Variants in COL6A2 observed in about 807,000 individuals in gnomAD.
COL6A2 encodes collagen alpha-2(VI) chain.
COL6A2 carries 90 observed loss-of-function variants against 124.9 expected under a neutral mutation model. The ratio of observed to expected loss-of-function variants is 0.72; its 90% CI spans 0.61 to 0.86. The LOEUF (loss-of-function observed/expected upper bound fraction) is 0.86. Ranked by LOEUF, COL6A2 falls within the 40% of genes least tolerant of loss-of-function variation. The pLI, the probability that COL6A2 is intolerant of heterozygous loss-of-function variation, is 0.00. For missense variants in COL6A2, 1,607 were observed against 1,502.5 expected (o/e 1.07, Z -1.15); for synonymous variants, 793 against 618.2 (o/e 1.28, Z -4.19).
intron 21 of COL6A2, among the ~76,000 whole-genome samples, chr21:46,124,078 G>A (rs1258337303): frequency 6.6e-6 from 1 of 151,314 alleles, no homozygotes; most frequent in Non-Finnish European, 1.5e-5. Flanking sequence ...ACCGATGGAT[G>A]AATGGGTGGG....
intron 27 of COL6A2, among the ~76,000 whole-genome samples, chr21:46,131,679 G>T (rs2078761502): frequency 6.6e-6 from 1 of 152,210 alleles, no homozygotes; most frequent in African/African-American, 2.4e-5. Context: ...GTGCAGGGAT[G>T]GTGCTCAGCA....
rs960040351 is a variant in COL6A2 at position 46,120,446 on chromosome 21, G to A, written c.1333-69G>A. 1.5e-4 allele frequency: 194 copies of A among 1,298,496 alleles called. No individual in the cohort carries two copies. The African/African-American group carries it at 2.3e-3, about 15-fold the overall frequency. 80.4% of individuals were successfully genotyped at this position (1,298,496 alleles called of 1,614,324 possible). A position where few individuals can be genotyped will look rare whatever the true frequency, so the allele number is the denominator to read the frequency against. On this transcript the variant is annotated intron_variant, in intron 15 of 27. Transcript: ENST00000300527. The stretch of plus-strand genomic sequence containing the variant: ...CCTTCCCCAACCCCCGGCCACACCC[G>A]CCTCTCACATGGGACCCAGGCCGGA...
At position 46,116,926 on chromosome 21, in the gene COL6A2, T is replaced by TACATAC; in HGVS notation, c.999+115_999+116insTACACA. The TACATAC allele has an allele frequency of 1.6e-6, 1 of 638,194 alleles. No homozygotes were observed. 39.5% of individuals were successfully genotyped at this position (638,194 alleles called of 1,614,324 possible). ...CAGCTTACACATGTGTACACACGCATACACACACACACACACACACACACA... is the reference window on the plus strand; with the variant it reads ...CAGCTTACACATGTGTACACACGCATACATACACACACACACACACACACACACACA... On this transcript the variant is annotated intron_variant, in intron 10 of 27. Coordinates refer to ENST00000300527, the MANE Select transcript of COL6A2 (RefSeq NM_001849.4). This position sits in a 1 kb window ranked among gnomAD's most constrained non-coding sequence, Gnocchi z 4.6.
At chr21:46,113,545 G>A (rs531151292) in intron 4 of COL6A2, 34 of 196,434 alleles carry the variant, frequency 1.7e-4, no homozygotes, top group South Asian at 6.8e-4. Flanking sequence ...CCTGGTGTGC[G>A]CATGTAGTTC....
Position 46,115,896 on chromosome 21 carries a change from C to G in COL6A2, c.826C>G (p.Pro276Ala), listed in dbSNP as rs751337200. Reference sequence around the variant, plus strand: ...GGGTGCCAAGGGCAACATGGGTGAGCCGGGAGAGCCTGGCCAGAAGGGAAG... The same window carrying G: ...GGGTGCCAAGGGCAACATGGGTGAGGCGGGAGAGCCTGGCCAGAAGGGAAG... The part of the protein sequence containing the change: ...QKGAKGNMGE[P>A]GEPGQKGRQG... The change falls in exon 6 of 28, where the codon CCG becomes GCG. Residue 276 changes from proline (P) to alanine (A), a missense_variant. Physicochemically the swap from Pro to Ala is conservative, Grantham distance 27 (BLOSUM62 -1). Around this residue, in one of 3 missense-constraint regions of COL6A2, gnomAD observed 42 missense variants for 68.7 expected, o/e 0.61. Coordinates refer to ENST00000300527, the MANE Select transcript of COL6A2 (RefSeq NM_001849.4). The G allele has an allele frequency of 6.2e-7, 1 of 1,612,892 alleles. No homozygotes were observed. The highest frequency in any genetic ancestry group is 1.1e-5 in the South Asian group (1 of 91,086).
At chr21:46,129,821 C>G in intron 27 of COL6A2, 1 of 1,127,882 alleles carries the variant, frequency 8.9e-7, no homozygotes, top group Non-Finnish European at 1.1e-6. Context: ...CAGAGTCCTT[C>G]TTTGCTGCAT....
chr21:46,121,049 C>T lies in COL6A2; in HGVS notation c.1396-12C>T. 1.2e-6 allele frequency: 2 copies of T among 1,612,646 alleles called. No individual in the cohort carries two copies. The highest frequency in any genetic ancestry group is 1.7e-6 in the Non-Finnish European group (2 of 1,179,830). On this transcript the variant is annotated splice_polypyrimidine_tract_variant and intron_variant, in intron 16 of 27. Coordinates refer to ENST00000300527, the MANE Select transcript of COL6A2 (RefSeq NM_001849.4). ...AGTCAAGAGAACCCCAAATTCCTCC[C>T]CTTTCTTCCAGGGAGACCGAGGCTT... is the stretch of plus-strand genomic sequence containing the variant.
intron 21 of COL6A2, 79 bp downstream of exon 21, chr21:46,123,016 G>A: frequency 1.5e-6 from 2 of 1,350,586 alleles, no homozygotes; most frequent in Non-Finnish European, 2.1e-6. Context: ...GTGCATCTAT[G>A]AGTACAGGAG....
intron 27 of COL6A2, among the ~76,000 whole-genome samples, chr21:46,131,232 CCCA>C (rs1353532960): frequency 6.6e-6 from 1 of 152,214 alleles, no homozygotes; most frequent in Non-Finnish European, 1.5e-5. Flanking sequence ...GGTCTCTGGC[CCCA>C]CGTGACACCC....
intron 27 of COL6A2, chr21:46,129,254 G>A (rs768178267): frequency 1.8e-5 from 29 of 1,612,806 alleles, no homozygotes; most frequent in African/African-American, 2.7e-5. Context: ...AAGAGGGGCC[G>A]GACGCCACCT....
intron 27 of COL6A2, chr21:46,129,441 G>A (rs765099811): frequency 2.5e-6 from 4 of 1,605,778 alleles, no homozygotes; most frequent in African/African-American, 1.3e-5. Context: ...CTTTAAGCTG[G>A]TGCACAGGGA....
chr21:46,132,373 G>C lies in COL6A2; in HGVS notation c.2881G>C (p.Ala961Pro). The C allele has an allele frequency of 1.2e-6, 2 of 1,609,220 alleles. No individual in the cohort carries two copies. The highest frequency in any genetic ancestry group is 1.7e-6 in the Non-Finnish European group (2 of 1,179,458). The part of the protein sequence containing the change: ...VTGNDSLHES[A>P]HSMRKQNVVP... The stretch of plus-strand genomic sequence containing the variant: ...GGGCAACGACAGTCTGCACGAGTCG[G>C]CGCACTCCATGCGCAAGCAGAACGT... Residue 961 changes from alanine (A) to proline (P), a missense_variant, in exon 28 of 28, where the codon GCG (alanine) becomes CCG (proline). Ala to Pro is a conservative substitution (Grantham distance 27, BLOSUM62 -1). Around this residue, in one of 3 missense-constraint regions of COL6A2, gnomAD observed 1,223 missense variants for 1,052.2 expected, o/e 1.16. Transcript: ENST00000300527.
Position 46,116,310 on chromosome 21 carries a change from C to T in COL6A2, c.901-67C>T. On this transcript the variant is annotated intron_variant, in intron 7 of 27. Transcript: ENST00000300527. This position sits in a 1 kb window ranked among gnomAD's most constrained non-coding sequence, Gnocchi z 4.6. ...CGAGCACTCCCCTCAGCCTGCAGGG[C>T]TGGCCCTTCCCTGCCTGTGTCTCTG... 5 of 1,557,482 alleles carry T rather than the reference C, an allele frequency of 3.2e-6. No homozygotes were observed. Among genetic ancestry groups the T allele is most frequent in the Non-Finnish European group, 4.4e-6 (5 of 1,133,196 alleles).
chr21:46,112,396 A>G lies in COL6A2; in HGVS notation c.533A>G (p.Glu178Gly), dbSNP rs1460872752. The G allele has an allele frequency of 6.2e-7, 1 of 1,607,852 alleles. No homozygotes were observed. The highest frequency in any genetic ancestry group is 1.7e-5 in the Admixed American group (1 of 59,862). ...SPCGGIKLQA[E>G]RAREEGIRLF... ...TGCGGGGGCATCAAGCTGCAGGCCG[A>G]GCGGGCCCGCGAGGAGGGCATCCGG... Residue 178 changes from glutamate to glycine, a missense_variant, in exon 3 of 28, where the codon GAG (glutamate) becomes GGG (glycine). Glu to Gly is a moderately conservative substitution (Grantham distance 98). Coordinates refer to ENST00000300527, the MANE Select transcript of COL6A2 (RefSeq NM_001849.4).
intron 27 of COL6A2, chr21:46,129,017 T>C: frequency 6.2e-7 from 1 of 1,604,024 alleles, no homozygotes; most frequent in Non-Finnish European, 8.5e-7. Context: ...CTGTGCTCAC[T>C]GCCCCCACGC....
In COL6A2 at chr21:46,121,603, A is replaced by C. The variant is rs1437466903; in HGVS notation, c.1506A>C (p.Gly502=). 3.7e-6 allele frequency: 6 copies of C among 1,612,598 alleles called. No individual in the cohort carries two copies. Among genetic ancestry groups the C allele is most frequent in the Non-Finnish European group, 5.1e-6 (6 of 1,179,938 alleles). Residue 502 remains glycine, a synonymous_variant, in exon 18 of 28, where the codon GGA becomes GGC. Coordinates refer to ENST00000300527, the MANE Select transcript of COL6A2 (RefSeq NM_001849.4). ...ATGCAGGACCCCGTGGAGACTCAGGACAGCCAGGCCCCAAGGTACGTGCCC... is the reference window on the plus strand; with the variant it reads ...ATGCAGGACCCCGTGGAGACTCAGGCCAGCCAGGCCCCAAGGTACGTGCCC... ...PGDAGPRGDS[G]QPGPKGDPGR...
chr21:46,119,056 AG>A lies in COL6A2; in HGVS notation c.1208del (p.Gly403GlufsTer5). On this transcript the variant is annotated frameshift_variant, in exon 14 of 28. Coordinates refer to ENST00000300527, the MANE Select transcript of COL6A2 (RefSeq NM_001849.4). LOFTEE classifies it high-confidence loss of function. ...KGYQGNSGAP[G>X]SPGVKGAKGG... The stretch of plus-strand genomic sequence containing the variant: ...GGTATCAAGGCAACAGTGGAGCCCC[AG>A]GAAGTCCTGGTGTGAAAGGAGCCAA... 3.7e-6 allele frequency: 6 copies of A among 1,612,236 alleles called. No homozygotes were observed. The highest frequency in any genetic ancestry group is 5.1e-6 in the Non-Finnish European group (6 of 1,179,558).
chr21:46,123,992 G>A (rs1335640406), intron 21 of COL6A2, among the ~76,000 whole-genome samples: 3 of 151,384 alleles, frequency 2.0e-5, no homozygotes, highest in African/African-American at 7.3e-5. Flanking sequence ...GGGATGGGTA[G>A]GTGGGTGGAT....
rs1180101630 is a variant in COL6A2, at chr21:46,115,913, G to A, written c.843G>A (p.Gln281=). 1.2e-6 allele frequency: 2 copies of A among 1,612,940 alleles called. No homozygotes were observed. Among genetic ancestry groups the A allele is most frequent in the Non-Finnish European group, 1.7e-6 (2 of 1,180,014 alleles). Residue 281 remains glutamine (Q), a synonymous_variant, in exon 6 of 28, where the codon CAG becomes CAA. Coordinates refer to ENST00000300527, the MANE Select transcript of COL6A2 (RefSeq NM_001849.4). ...TGGGTGAGCCGGGAGAGCCTGGCCAGAAGGGAAGACAGGTGAGTGTCCTTG... is the reference window on the plus strand; with the variant it reads ...TGGGTGAGCCGGGAGAGCCTGGCCAAAAGGGAAGACAGGTGAGTGTCCTTG... The part of the protein sequence containing the change: ...GNMGEPGEPG[Q]KGRQGDPGIE...
Sources: allele counts gnomAD v4.1 joint callset (sites outside exome capture counted in the v4.1 genomes callset), GRCh38; gene constraint gnomAD v4.1.1; regional missense constraint gnomAD v4.1.1; non-coding constraint Gnocchi (gnomAD v3.1); transcripts MANE v1.5; gene names NCBI Gene and HGNC (gene_info 2026-07-23, HGNC 2026-07-21).